The following ELMOD3 variants were observed in gnomAD, a reference collection of about 807,000 sequenced individuals.
The protein encoded by ELMOD3 is ELMO domain-containing protein 3.
A neutral mutation model predicts 47.4 loss-of-function variants in ELMOD3; 36 were observed. That is an observed-to-expected ratio of 0.76 (90% CI 0.58 to 1.00). The LOEUF is 1.00. Ranked by LOEUF, ELMOD3 falls within the 50% of genes least tolerant of loss-of-function variation. The probability of loss-of-function intolerance (pLI) is 0.00; values close to 1 mark genes in which losing one functional copy is unlikely to be tolerated. For missense variants in ELMOD3, 404 were observed against 463.8 expected (o/e 0.87, Z 1.18); for synonymous variants, 149 against 183.5 (o/e 0.81, Z 1.52).
At chr2:85,358,795 T>G in intron 4 of ELMOD3, among the ~76,000 whole-genome samples, 1 of 152,178 alleles carries the variant, frequency 6.6e-6, no homozygotes. Context: ...GAACGATATA[T>G]GTATTGTGAA....
chr2:85,391,484 G>C lies in ELMOD3; in HGVS notation c.*522G>C, dbSNP rs1458641574. ...GCCTCAGTGGGGGTAGGGCAAGGAG[G>C]TACCTCACAGGTGGGTGTGAGGCCC... On this transcript the variant is annotated 3_prime_UTR_variant, in exon 14 of 14. Coordinates refer to ENST00000409013, the MANE Select transcript of ELMOD3 (RefSeq NM_001135022.2). The C allele has an allele frequency of 6.4e-6, 1 of 155,524 alleles. No homozygotes were observed. The highest frequency in any genetic ancestry group is 1.9e-4 in the East Asian group (1 of 5,250). The allele number at this position is 155,524 out of a possible 1,614,324, so 9.6% of individuals were successfully genotyped here.
rs1051799985 is a variant in ELMOD3 at position 85,354,829 on chromosome 2, G to C, written c.-372G>C. 2 of 260,040 alleles carry C rather than the reference G, an allele frequency of 7.7e-6. No individual in the cohort carries two copies. The highest frequency in any genetic ancestry group is 1.5e-5 in the Non-Finnish European group (2 of 134,118). The allele number at this position is 260,040 out of a possible 1,614,324, so 16.1% of individuals were successfully genotyped here. ...CCCAAGTTTGGAAAGCTCTTTTAAC[G>C]GTGAGAACGCGTTAACACTTGCCAA... On this transcript the variant is annotated splice_region_variant and 5_prime_UTR_variant, in exon 1 of 14. Transcript: ENST00000409013.
intron 11 of ELMOD3, among the ~76,000 whole-genome samples, chr2:85,378,878 G>A (rs187375505): frequency 8.0e-4 from 122 of 152,262 alleles, no homozygotes; most frequent in African/African-American, 2.5e-3. Context: ...ATAGGTCCCC[G>A]AGTTATTAGG....
At chr2:85,381,675 C>G (rs930818385) in intron 11 of ELMOD3, among the ~76,000 whole-genome samples, 8 of 152,170 alleles carry the variant, frequency 5.3e-5, no homozygotes, top group African/African-American at 1.9e-4. Flanking sequence ...TCAGCTCTTG[C>G]AATCTCATGC....
At position 85,377,336 on chromosome 2, in the gene ELMOD3, T is replaced by C; in HGVS notation, c.608-8T>C. On this transcript the variant is annotated splice_region_variant and splice_polypyrimidine_tract_variant and intron_variant, in intron 10 of 13. Transcript: ENST00000409013. ...CCACACCCTGTTTCCTCACGGTCTC[T>C]GTTACAGGAGCGAATCCAGCCACAG... 9 of 1,591,918 alleles carry C rather than the reference T, an allele frequency of 5.7e-6. No individual in the cohort carries two copies. The highest frequency in any genetic ancestry group is 7.7e-6 in the Non-Finnish European group (9 of 1,169,898).
chr2:85,360,510 C>T (rs971183456), intron 4 of ELMOD3, among the ~76,000 whole-genome samples: 15 of 152,018 alleles, frequency 9.9e-5, no homozygotes, highest in African/African-American at 3.4e-4. Flanking sequence ...TGTGCCACTA[C>T]ATCCGGCTAA....
intron 12 of ELMOD3, 70 bp from the exon 13 acceptor site, chr2:85,390,068 A>C (rs1021334833): frequency 5.4e-6 from 8 of 1,472,564 alleles, no homozygotes; most frequent in Non-Finnish European, 6.7e-6. Context: ...ATGGGGAAGG[A>C]AGGCGGGAGG....
Position 85,390,876 on chromosome 2 carries a change from C to T in ELMOD3, c.1060C>T (p.Pro354Ser), listed in dbSNP as rs753929130. 36 of 1,551,566 alleles carry T rather than the reference C, an allele frequency of 2.3e-5. No homozygotes were observed. In the African/African-American group the frequency reaches 4.5e-4, roughly 19 times the overall value. The change falls in exon 14 of 14, where the codon CCA becomes TCA. Residue 354 changes from proline (P) to serine (S), a missense_variant. Transcript: ENST00000409013. ...SLLGAQKCYG[P>S]EAPPFKDLTF... Reference sequence around the variant, plus strand: ...GTTGGGAGCACAGAAGTGCTATGGGCCAGAAGCCCCTCCCTTCAAGGATCT... The same window carrying T: ...GTTGGGAGCACAGAAGTGCTATGGGTCAGAAGCCCCTCCCTTCAAGGATCT...
intron 4 of ELMOD3, chr2:85,360,678 AT>A (rs143092815): frequency 7.6e-4 from 127 of 166,338 alleles, no homozygotes; most frequent in South Asian, 2.8e-3. Flanking sequence ...TGCCTTAATG[AT>A]TTTTTTTTTC....
intron 11 of ELMOD3, among the ~76,000 whole-genome samples, chr2:85,378,527 C>A (rs941515630): frequency 6.6e-6 from 1 of 152,124 alleles, no homozygotes; most frequent in African/African-American, 2.4e-5. Flanking sequence ...CGGGAGGACT[C>A]GAAGCAGGGA....
intron 6 of ELMOD3, among the ~76,000 whole-genome samples, chr2:85,364,838 T>A (rs1684264720): frequency 7.3e-6 from 1 of 137,302 alleles, no homozygotes; most frequent in East Asian, 2.0e-4. Context: ...TTTTTTTTTT[T>A]TTTTTTTTTT....
intron 11 of ELMOD3, among the ~76,000 whole-genome samples, chr2:85,386,894 T>C (rs902795163): frequency 6.6e-6 from 1 of 152,062 alleles, no homozygotes; most frequent in Non-Finnish European, 1.5e-5. Flanking sequence ...TCCCAGCTAC[T>C]CGGGAGGCTA....
chr2:85,382,369 C>T (rs560178281), intron 11 of ELMOD3, among the ~76,000 whole-genome samples: 15 of 145,104 alleles, frequency 1.0e-4, no homozygotes, highest in Non-Finnish European at 1.5e-4. Context: ...ACCTGGGAGG[C>T]GAAGCTTGTA....
At chr2:85,379,759 G>T (rs967394659) in intron 11 of ELMOD3, among the ~76,000 whole-genome samples, 21 of 152,204 alleles carry the variant, frequency 1.4e-4, no homozygotes, top group Middle Eastern at 3.4e-3. Context: ...TTTTCACATA[G>T]GCTTTTTTTA....
chr2:85,388,883 G>A lies in ELMOD3; in HGVS notation c.739-868G>A, dbSNP rs563006106. On this transcript the variant is annotated intron_variant, in intron 11 of 13. Coordinates refer to ENST00000409013, the MANE Select transcript of ELMOD3 (RefSeq NM_001135022.2). Reference sequence around the variant, plus strand: ...TTTTCTTCAACTGGGAAGCAGGTGGGATAAATAGACCTTGGTTCTTGTTCT... The same window carrying A: ...TTTTCTTCAACTGGGAAGCAGGTGGAATAAATAGACCTTGGTTCTTGTTCT... Among the ~76,000 whole-genome samples the A allele has an allele frequency of 3.3e-5, 5 of 152,340 alleles. No homozygotes were observed. The South Asian group carries it at 1.0e-3, about 32-fold the overall frequency.
chr2:85,387,254 A>G (rs1685996725), intron 11 of ELMOD3: 2 of 1,148,180 alleles, frequency 1.7e-6, no homozygotes, highest in Non-Finnish European at 2.2e-6. Context: ...AACATTTGTT[A>G]ATACCTACTT....
At chr2:85,372,409 T>A (rs1450377535) in intron 10 of ELMOD3, 1 of 152,126 alleles carries the variant, frequency 6.6e-6, no homozygotes, top group Admixed American at 6.6e-5. Flanking sequence ...TGGTGGTCTT[T>A]TAGGCTGTTG....
At chr2:85,378,537 A>C (rs1352539613) in intron 11 of ELMOD3, among the ~76,000 whole-genome samples, 1 of 152,206 alleles carries the variant, frequency 6.6e-6, no homozygotes, top group Non-Finnish European at 1.5e-5. Flanking sequence ...CGAAGCAGGG[A>C]GGGGACTTTC....
rs1683432263 is a variant in ELMOD3 at position 85,354,831 on chromosome 2, T to A, written c.-372+2T>A. Reference sequence around the variant, plus strand: ...CAAGTTTGGAAAGCTCTTTTAACGGTGAGAACGCGTTAACACTTGCCAAGG... The same window carrying A: ...CAAGTTTGGAAAGCTCTTTTAACGGAGAGAACGCGTTAACACTTGCCAAGG... On this transcript the variant is annotated splice_donor_variant, in intron 1 of 13. Transcript: ENST00000409013. LOFTEE classifies it low-confidence loss of function (5UTR_SPLICE). 1 of 255,038 alleles carries A rather than the reference T, an allele frequency of 3.9e-6. No individual in the cohort carries two copies. The highest frequency in any genetic ancestry group is 2.3e-5 in the African/African-American group (1 of 44,014). The allele number at this position is 255,038 out of a possible 1,614,324, so 15.8% of individuals were successfully genotyped here.
Sources: gnomAD v4.1 joint callset for allele counts (sites outside exome capture counted in the v4.1 genomes callset) on GRCh38, gnomAD v4.1.1 for gene constraint, MANE v1.5 for transcripts, NCBI Gene and HGNC (gene_info 2026-07-23, HGNC 2026-07-21) for gene names.